Variants in CDH13 observed in about 807,000 individuals in gnomAD.
CDH13 encodes cadherin-13.
A neutral mutation model predicts 63.8 loss-of-function variants in CDH13; 24 were observed. The ratio of observed to expected loss-of-function variants is 0.38; its 90% CI spans 0.27 to 0.53. The LOEUF is 0.53. Ranked by LOEUF, CDH13 falls within the 20% of genes least tolerant of loss-of-function variation. The pLI, the probability that CDH13 is intolerant of heterozygous loss-of-function variation, is 0.85. For synonymous variants in CDH13, 503 were observed against 355.3 expected (o/e 1.42, Z -4.67); for missense variants, 1,049 against 903.1 (o/e 1.16, Z -2.07).
chr16:82,847,599 T>C (rs1226911126), intron 1 of CDH13, among the ~76,000 whole-genome samples: 1 of 152,240 alleles, frequency 6.6e-6, no homozygotes, highest in Non-Finnish European at 1.5e-5. Context: ...AGCATGCTGT[T>C]TTAATGTTAG....
chr16:83,076,434 C>T (rs936772957), intron 3 of CDH13, among the ~76,000 whole-genome samples: 1 of 152,112 alleles, frequency 6.6e-6, no homozygotes, highest in Non-Finnish European at 1.5e-5. Flanking sequence ...GACAAAGATC[C>T]TTGCATGGCA....
At chr16:83,305,638 T>C (rs2089856988) in intron 5 of CDH13, among the ~76,000 whole-genome samples, 1 of 152,198 alleles carries the variant, frequency 6.6e-6, no homozygotes, top group Non-Finnish European at 1.5e-5. Flanking sequence ...ACAGGCGACA[T>C]GGCATGTGAC....
intron 7 of CDH13, among the ~76,000 whole-genome samples, chr16:83,487,752 C>T (rs781152474): frequency 5.9e-5 from 9 of 152,224 alleles, no homozygotes; most frequent in African/African-American, 7.2e-5. Flanking sequence ...CACGTAACTG[C>T]TGGGCTTCCC....
At chr16:83,547,258 A>T (rs1041671635) in intron 7 of CDH13, among the ~76,000 whole-genome samples, 1 of 152,186 alleles carries the variant, frequency 6.6e-6, no homozygotes, top group East Asian at 1.9e-4. Context: ...ACCCAGGGGG[A>T]TGTGGGAAGC....
chr16:82,697,769 G>GTGTGTA (rs1257104071), intron 1 of CDH13, among the ~76,000 whole-genome samples: 6 of 87,864 alleles, frequency 6.8e-5, no homozygotes, highest in African/African-American at 2.4e-4. Flanking sequence ...GTGTGTGTGT[G>GTGTGTA]TGTGTGTGTG....
chr16:83,409,749 T>G (rs139554179), intron 6 of CDH13, among the ~76,000 whole-genome samples: 1 of 152,198 alleles, frequency 6.6e-6, no homozygotes, highest in Non-Finnish European at 1.5e-5. Flanking sequence ...TCCCCAGAAG[T>G]GGGATGTTGA....
intron 1 of CDH13, among the ~76,000 whole-genome samples, chr16:82,718,442 G>T (rs1317945859): frequency 1.3e-5 from 2 of 152,162 alleles, no homozygotes; most frequent in African/African-American, 4.8e-5. Context: ...GTAGAAGTAG[G>T]AAGTAACCAG....
intron 7 of CDH13, among the ~76,000 whole-genome samples, chr16:83,551,110 C>T (rs917133457): frequency 7.2e-6 from 1 of 138,878 alleles, no homozygotes; most frequent in East Asian, 2.2e-4. Context: ...GAGACAGCTT[C>T]TCACTCCATC....
chr16:83,624,894 G>A (rs1398708824), intron 8 of CDH13, among the ~76,000 whole-genome samples: 2 of 152,176 alleles, frequency 1.3e-5, no homozygotes, highest in African/African-American at 4.8e-5. Flanking sequence ...CTTGAGCCTG[G>A]CCATGATTTG....
In CDH13 at chr16:83,798,951, C is replaced by G. The variant is rs920214615; in HGVS notation, c.*3921C>G. The G allele has an allele frequency of 1.3e-5, 2 of 151,798 alleles. No individual in the cohort carries two copies. The highest frequency in any genetic ancestry group is 4.8e-5 in the African/African-American group (2 of 41,286). 9.4% of individuals were successfully genotyped at this position (151,798 alleles called of 1,614,324 possible). ...TGTGCAAGATAACGTAATTATTTGC[C>G]CCTTCCCTTCCATGGCTTGTTAGCA... On this transcript the variant is annotated 3_prime_UTR_variant, in exon 14 of 14. Transcript: ENST00000567109.
At chr16:83,202,215 T>C (rs1276707453) in intron 4 of CDH13, among the ~76,000 whole-genome samples, 1 of 152,104 alleles carries the variant, frequency 6.6e-6, no homozygotes, top group Admixed American at 6.6e-5. Context: ...GATAGGACGC[T>C]CTGGGTCACA....
chr16:83,612,715 A>G lies in CDH13; in HGVS notation c.1101+10121A>G, dbSNP rs551088583. 7.9e-5 allele frequency among the ~76,000 whole-genome samples: 12 copies of G among 152,140 alleles called. No individual in the cohort carries two copies. In the South Asian group the frequency reaches 2.1e-3, roughly 26 times the overall value. On this transcript the variant is annotated intron_variant, in intron 8 of 13. Transcript: ENST00000567109. ...TTGTAGTGGGTTCTGAGAAATTGCA[A>G]TATATATTCTCAACTTTTGGACTCT...
At position 82,871,347 on chromosome 16, in the gene CDH13, CCATT is replaced by C. The variant is rs569380686; in HGVS notation, c.157+12875_157+12878del. ...GGGCATGGCTCAGGCTGCCATGGAG[CCATT>C]TCAGAAGTCCTGAGATGGGGACAGT... On this transcript the variant is annotated intron_variant, in intron 2 of 13. Coordinates refer to ENST00000567109, the MANE Select transcript of CDH13 (RefSeq NM_001257.5). Among the ~76,000 whole-genome samples the C allele has an allele frequency of 4.5e-4, 68 of 152,132 alleles. 1 individual carries two copies. Among genetic ancestry groups the C allele is most frequent in the African/African-American group, 1.5e-3 (64 of 41,492 alleles).
intron 5 of CDH13, among the ~76,000 whole-genome samples, chr16:83,257,458 C>T (rs145073423): frequency 2.0e-5 from 3 of 152,170 alleles, no homozygotes; most frequent in Non-Finnish European, 4.4e-5. Context: ...TTTCTTTGTC[C>T]CACCCATCTT....
At chr16:83,643,934 A>G (rs1399791406) in intron 8 of CDH13, among the ~76,000 whole-genome samples, 2 of 152,200 alleles carry the variant, frequency 1.3e-5, no homozygotes, top group African/African-American at 4.8e-5. Context: ...TCCTCCCAGA[A>G]AGCCAGAGCT....
At chr16:83,149,681 A>G (rs2036892053) in intron 4 of CDH13, among the ~76,000 whole-genome samples, 1 of 152,210 alleles carries the variant, frequency 6.6e-6, no homozygotes, top group South Asian at 2.1e-4. Flanking sequence ...CCCTATCATC[A>G]GTAGCAATTT....
At chr16:83,503,836 A>T (rs1183630149) in intron 7 of CDH13, among the ~76,000 whole-genome samples, 1 of 151,872 alleles carries the variant, frequency 6.6e-6, no homozygotes, top group Non-Finnish European at 1.5e-5. Context: ...CTCCCATTCT[A>T]TAGGTTGCCT....
intron 1 of CDH13, among the ~76,000 whole-genome samples, chr16:82,799,420 C>A (rs919260416): frequency 1.3e-5 from 2 of 152,166 alleles, no homozygotes; most frequent in Non-Finnish European, 2.9e-5. Flanking sequence ...GGCTTTTAAC[C>A]CTAATTTCTA....
intron 1 of CDH13, among the ~76,000 whole-genome samples, chr16:82,857,382 G>A (rs1007154534): frequency 6.6e-6 from 1 of 152,220 alleles, no homozygotes; most frequent in African/African-American, 2.4e-5. Flanking sequence ...CTCTGTCCCA[G>A]TATGTGTGGT....
Sources: gnomAD v4.1 joint callset for allele counts (sites outside exome capture counted in the v4.1 genomes callset) on GRCh38, gnomAD v4.1.1 for gene constraint, MANE v1.5 for transcripts, NCBI Gene and HGNC (gene_info 2026-07-23, HGNC 2026-07-21) for gene names.